FGD3: variants seen among roughly 807,000 people sequenced by gnomAD.
FGD3 encodes the protein FYVE, RhoGEF and PH domain containing 3, also known as FYVE, RhoGEF and PH domain-containing protein 3.
A neutral mutation model predicts 71.8 loss-of-function variants in FGD3; 45 were observed. The observed-to-expected ratio is 0.63, with a 90% CI of 0.49 to 0.80. FGD3 has a LOEUF of 0.80. FGD3 is among the 30% of genes least tolerant of loss of function. FGD3 has a pLI of 0.00. For missense variants in FGD3, 844 were observed against 951.5 expected, an observed-to-expected ratio of 0.89 and a Z score of 1.49; for synonymous variants, 378 against 392.8, an observed-to-expected ratio of 0.96 and a Z score of 0.44.
At chr9:92,949,028 A>G (rs1168618028) in intron 1 of FGD3, among the ~76,000 whole-genome samples, 1 of 152,288 alleles carries the variant, frequency 6.6e-6, no homozygotes, top group Middle Eastern at 3.4e-3. Context: ...GAGGGTTATG[A>G]CAGCTCATCC....
chr9:93,007,155 ATCTCAGT>A (rs1861094795), intron 6 of FGD3, among the ~76,000 whole-genome samples: 1 of 150,798 alleles, frequency 6.6e-6, no homozygotes, highest in East Asian at 2.0e-4. Flanking sequence ...CAGTGGCGCG[ATCTCAGT>A]TCACTGTAAG....
intron 3 of FGD3, among the ~76,000 whole-genome samples, chr9:93,001,826 A>G (rs143520619): frequency 3.3e-5 from 5 of 152,296 alleles, no homozygotes; most frequent in Non-Finnish European, 7.3e-5. Context: ...GCCTGCCACA[A>G]TAGGGCCTTC....
At position 92,976,741 on chromosome 9, in the gene FGD3, G is replaced by T. The variant is rs774893306; in HGVS notation, c.453+32G>T. On this transcript the variant is annotated intron_variant, in intron 3 of 17. Transcript: ENST00000375482. ...TTCCCCTTCTCTGTCCCCGCTGCGG[G>T]CTGCAGGCCTTTCCTTAGGAGGGGT... 4 of 1,522,264 alleles carry T rather than the reference G, an allele frequency of 2.6e-6. No homozygotes were observed. In the South Asian group the frequency reaches 3.9e-5, roughly 15 times the overall value. The allele number at this position is 1,522,264 out of a possible 1,614,324, so 94.3% of individuals were successfully genotyped here. A position where few individuals can be genotyped will look rare whatever the true frequency, so the allele number is the denominator to read the frequency against.
At chr9:93,017,617 A>G (rs978736817) in intron 10 of FGD3, among the ~76,000 whole-genome samples, 3 of 151,832 alleles carry the variant, frequency 2.0e-5, no homozygotes, top group Non-Finnish European at 1.5e-5. Flanking sequence ...AAGTGACCCC[A>G]TTTTCATTAG....
intron 3 of FGD3, among the ~76,000 whole-genome samples, chr9:92,997,355 G>A (rs1273111771): frequency 1.3e-5 from 2 of 152,012 alleles, no homozygotes; most frequent in Non-Finnish European, 2.9e-5. Context: ...TTTATTTTGA[G>A]CCTATGTGTG....
In FGD3 at chr9:93,024,492, G is replaced by A. The variant is rs544670696; in HGVS notation, c.1557+2103G>A. Among the ~76,000 whole-genome samples the A allele has an allele frequency of 3.9e-5, 6 of 152,366 alleles. No homozygotes were observed. The East Asian group carries it at 5.8e-4, about 15-fold the overall frequency. On this transcript the variant is annotated intron_variant, in intron 14 of 17. Transcript: ENST00000375482. ...CTGATGACCCTCCATGTCCAGCCCCGGGCCCTGGGCCAGGCTTATGGAGAC... is the reference window on the plus strand; with the variant it reads ...CTGATGACCCTCCATGTCCAGCCCCAGGCCCTGGGCCAGGCTTATGGAGAC...
At position 93,023,795 on chromosome 9, in the gene FGD3, C is replaced by CTTTTTTTTT. The variant is rs569058583; in HGVS notation, c.1557+1424_1557+1432dup. Reference sequence around the variant, plus strand: ...ATGACAGGAACCCGCCCATCAGCAACTTTTTTTTTTTTTTTTTTTTTTTTT... The same window carrying CTTTTTTTTT: ...ATGACAGGAACCCGCCCATCAGCAACTTTTTTTTTTTTTTTTTTTTTTTTTTTTTTTTTT... On this transcript the variant is annotated intron_variant, in intron 14 of 17. Coordinates refer to ENST00000375482, the MANE Select transcript of FGD3 (RefSeq NM_001083536.2). Among the ~76,000 whole-genome samples the CTTTTTTTTT allele has an allele frequency of 2.2e-4, 24 of 107,686 alleles. 3 individuals carry two copies. In the South Asian group the frequency reaches 6.1e-3, roughly 27 times the overall value. The allele number at this position is 107,686 out of a possible 152,430, so 70.6% of individuals were successfully genotyped here. A position where few individuals can be genotyped will look rare whatever the true frequency, so the allele number is the denominator to read the frequency against.
intron 1 of FGD3, among the ~76,000 whole-genome samples, chr9:92,948,741 G>A (rs1858900746): frequency 6.6e-6 from 1 of 152,218 alleles, no homozygotes; most frequent in Non-Finnish European, 1.5e-5. Flanking sequence ...CAACAGCAGG[G>A]AAACCTGGCT....
intron 3 of FGD3, among the ~76,000 whole-genome samples, chr9:92,977,107 C>T (rs1859789588): frequency 6.6e-6 from 1 of 152,154 alleles, no homozygotes; most frequent in South Asian, 2.1e-4. Context: ...CTGTTTTCCT[C>T]AATGGGAAAC....
intron 10 of FGD3, 53 bp from the exon 11 acceptor site, chr9:93,018,083 G>A: frequency 6.5e-7 from 1 of 1,529,692 alleles, no homozygotes; most frequent in South Asian, 1.1e-5. Context: ...CATGAGGCTG[G>A]AGCTAAAATG....
intron 1 of FGD3, among the ~76,000 whole-genome samples, chr9:92,966,973 T>TG (rs201119367): frequency 2.2e-4 from 33 of 150,264 alleles, no homozygotes; most frequent in African/African-American, 7.5e-4. Flanking sequence ...TTTTTTTTTT[T>TG]TGGGGGGGGA....
chr9:92,989,368 C>T (rs565806179), intron 3 of FGD3, among the ~76,000 whole-genome samples: 13 of 152,264 alleles, frequency 8.5e-5, no homozygotes, highest in East Asian at 5.8e-4. Flanking sequence ...CCTCTTCATC[C>T]GCCCACCTTG....
At chr9:92,998,235 A>G (rs1860724405) in intron 3 of FGD3, among the ~76,000 whole-genome samples, 1 of 152,090 alleles carries the variant, frequency 6.6e-6, no homozygotes, top group Non-Finnish European at 1.5e-5. Context: ...TCAATCACTG[A>G]TACCCTTTCT....
chr9:93,011,321 G>A, intron 8 of FGD3, 49 bp downstream of exon 8: 1 of 1,609,462 alleles, frequency 6.2e-7, no homozygotes, highest in Non-Finnish European at 8.5e-7. Context: ...CAGCAAGAGT[G>A]AGGGCCAGGG....
intron 16 of FGD3, 196 bp downstream of exon 16, chr9:93,033,069 G>A (rs1309912738): frequency 7.5e-6 from 5 of 662,374 alleles, no homozygotes; most frequent in Non-Finnish European, 1.4e-5. Context: ...CTGGCTTCTC[G>A]GGACCAGCCA....
intron 1 of FGD3, among the ~76,000 whole-genome samples, chr9:92,960,239 T>C (rs1302880469): frequency 6.6e-6 from 1 of 151,970 alleles, no homozygotes; most frequent in Non-Finnish European, 1.5e-5. Flanking sequence ...TGTCCCAAAA[T>C]GCCCATATCC....
intron 13 of FGD3, chr9:93,020,693 T>C (rs567843395): frequency 1.7e-5 from 7 of 409,758 alleles, no homozygotes; most frequent in Admixed American, 3.8e-5. Context: ...GAGAGCCTCC[T>C]GTGCTGCTGT....
chr9:93,004,944 T>C (rs1860996853), intron 5 of FGD3, among the ~76,000 whole-genome samples: 1 of 152,140 alleles, frequency 6.6e-6, no homozygotes, highest in Non-Finnish European at 1.5e-5. Flanking sequence ...CAGGTTTACA[T>C]TGTGTCCCCG....
chr9:93,028,122 C>T lies in FGD3; in HGVS notation c.1558-1752C>T, dbSNP rs142966089. On this transcript the variant is annotated intron_variant, in intron 14 of 17. Coordinates refer to ENST00000375482, the MANE Select transcript of FGD3 (RefSeq NM_001083536.2). ...TTGGACCCATACAAGTGGGGATAAC[C>T]GCAATGAGTATCCCTCCCCAGCTCC... 4.0e-5 allele frequency among the ~76,000 whole-genome samples: 6 copies of T among 151,790 alleles called. 1 individual carries two copies. The East Asian group carries it at 9.7e-4, about 24-fold the overall frequency.
Sources: gnomAD v4.1 joint callset for allele counts (sites outside exome capture counted in the v4.1 genomes callset) on GRCh38, gnomAD v4.1.1 for gene constraint, MANE v1.5 for transcripts, NCBI Gene and HGNC (gene_info 2026-07-23, HGNC 2026-07-21) for gene names.